MACROH2A1: variants seen among roughly 807,000 people sequenced by gnomAD.
The protein encoded by MACROH2A1 is core histone macro-H2A.1.
In MACROH2A1, 2 loss-of-function variants were observed where a neutral mutation model predicts 31.6. The ratio of observed to expected loss-of-function variants is 0.06; its 90% CI spans 0.03 to 0.20. The LOEUF (loss-of-function observed/expected upper bound fraction) is 0.20, where lower values mean the gene tolerates loss of function less well. Among genes scored for constraint, MACROH2A1 ranks in the 10% least tolerant of loss-of-function variants. The pLI is 1.00. For synonymous variants in MACROH2A1, 169 were observed against 189.6 expected (o/e 0.89, Z 0.89); for missense variants, 230 against 474.0 (o/e 0.49, Z 4.78).
At chr5:135,358,541 G>A in intron 5 of MACROH2A1, 1 of 985,176 alleles carries the variant, frequency 1.0e-6, no homozygotes, top group Non-Finnish European at 1.2e-6. Flanking sequence ...GGTCTGTCTG[G>A]GTCTACATTC....
chr5:135,382,634 A>T lies in MACROH2A1; in HGVS notation c.172+6288T>A, dbSNP rs540199025. Reference sequence around the variant, plus strand: ...CAAGGGTACAATCTATACCATAAATAATTACTAAGCTGGTCTTTATGAAAA... The same window carrying T: ...CAAGGGTACAATCTATACCATAAATTATTACTAAGCTGGTCTTTATGAAAA... On this transcript the variant is annotated intron_variant, in intron 2 of 8. Coordinates refer to ENST00000511689, the MANE Select transcript of MACROH2A1 (RefSeq NM_138610.3). Among the ~76,000 whole-genome samples the T allele has an allele frequency of 1.2e-4, 19 of 152,330 alleles. 1 individual carries two copies. The South Asian group carries it at 3.9e-3, about 32-fold the overall frequency.
chr5:135,357,611 G>T, intron 5 of MACROH2A1: 1 of 288,118 alleles, frequency 3.5e-6, no homozygotes, highest in Non-Finnish European at 5.2e-6. Flanking sequence ...TTAAGTCAGT[G>T]TTACCACTGA....
chr5:135,340,002 C>G (rs1759519559), intron 8 of MACROH2A1, among the ~76,000 whole-genome samples: 1 of 152,184 alleles, frequency 6.6e-6, no homozygotes, highest in African/African-American at 2.4e-5. Flanking sequence ...GGGAAAGAGG[C>G]TGATGGCTAT....
chr5:135,358,499 A>T (rs1035217539), intron 5 of MACROH2A1: 2 of 985,120 alleles, frequency 2.0e-6, no homozygotes, highest in Non-Finnish European at 1.2e-6. Context: ...TTCACCACTA[A>T]AAAGGGGGTG....
At chr5:135,378,514 T>C (rs995839974) in intron 2 of MACROH2A1, among the ~76,000 whole-genome samples, 1 of 152,238 alleles carries the variant, frequency 6.6e-6, no homozygotes, top group African/African-American at 2.4e-5. Flanking sequence ...CCCCTCAGGC[T>C]GTGTCTTCAT....
chr5:135,376,293 C>T (rs1764853780), intron 2 of MACROH2A1, among the ~76,000 whole-genome samples: 1 of 152,196 alleles, frequency 6.6e-6, no homozygotes, highest in Non-Finnish European at 1.5e-5. Context: ...TTGGTCCAGT[C>T]TTCTGCCTTC....
intron 1 of MACROH2A1, among the ~76,000 whole-genome samples, chr5:135,392,470 C>T (rs758895309): frequency 1.1e-4 from 17 of 152,200 alleles, no homozygotes; most frequent in Non-Finnish European, 2.2e-4. Flanking sequence ...GTTCTTCCTG[C>T]ACTTCTAACT....
chr5:135,357,597 A>G, intron 5 of MACROH2A1: 1 of 226,126 alleles, frequency 4.4e-6, no homozygotes, highest in Non-Finnish European at 7.4e-6. Flanking sequence ...TTTACCATTT[A>G]CCATTAAGTC....
At chr5:135,360,439 C>T in intron 5 of MACROH2A1, 58 bp downstream of exon 5, 1 of 1,108,338 alleles carries the variant, frequency 9.0e-7, no homozygotes. Flanking sequence ...GTGGAAGTAG[C>T]CTGTGCCCAC....
At chr5:135,385,762 C>T (rs957278130) in intron 2 of MACROH2A1, among the ~76,000 whole-genome samples, 1 of 152,198 alleles carries the variant, frequency 6.6e-6, no homozygotes, top group African/African-American at 2.4e-5. Context: ...CTGGCCAGCT[C>T]ATCTCCAAGC....
chr5:135,336,709 T>C (rs1018999091), intron 8 of MACROH2A1, among the ~76,000 whole-genome samples: 12 of 151,958 alleles, frequency 7.9e-5, no homozygotes, highest in Admixed American at 1.3e-4. Flanking sequence ...CTGCTGAGAG[T>C]GGGCAGGTCA....
chr5:135,387,934 G>C (rs536866195), intron 2 of MACROH2A1, among the ~76,000 whole-genome samples: 7 of 151,612 alleles, frequency 4.6e-5, no homozygotes, highest in Admixed American at 3.9e-4. Context: ...ATGGCAAAAG[G>C]ATATCAGAAC....
At position 135,346,069 on chromosome 5, in the gene MACROH2A1, C is replaced by T. The variant is rs1388496538; in HGVS notation, c.689-12G>A. 3.8e-6 allele frequency: 6 copies of T among 1,592,708 alleles called. No individual in the cohort carries two copies. Among genetic ancestry groups the T allele is most frequent in the East Asian group, 2.2e-5 (1 of 44,808 alleles). On this transcript the variant is annotated splice_polypyrimidine_tract_variant and intron_variant, in intron 6 of 8. Transcript: ENST00000511689. ...CTCCAGCGTGTTTCCTAGACAAGGA[C>T]AGGGTGGGGTCAGGTTGCCATTCTG...
intron 2 of MACROH2A1, among the ~76,000 whole-genome samples, chr5:135,381,042 A>G (rs1245934461): frequency 6.6e-6 from 1 of 152,256 alleles, no homozygotes; most frequent in Non-Finnish European, 1.5e-5. Context: ...AAACAGATAA[A>G]GCAGAAAATA....
chr5:135,369,893 A>G lies in MACROH2A1; in HGVS notation c.279+143T>C. The G allele has an allele frequency of 1.6e-6, 1 of 634,294 alleles. No individual in the cohort carries two copies. The highest frequency in any genetic ancestry group is 2.8e-6 in the Non-Finnish European group (1 of 360,702). 39.3% of individuals were successfully genotyped at this position (634,294 alleles called of 1,614,324 possible). On this transcript the variant is annotated intron_variant, in intron 3 of 8. Coordinates refer to ENST00000511689, the MANE Select transcript of MACROH2A1 (RefSeq NM_138610.3). This position sits in a 1 kb window ranked among gnomAD's most constrained non-coding sequence, Gnocchi z 4.3. ...AATAAGGCCTTGGGGAAAAACTGCC[A>G]TGGGAGGCAGAGAAGCTGCTAATTA...
At chr5:135,338,031 G>T in intron 8 of MACROH2A1, 1 of 1,147,606 alleles carries the variant, frequency 8.7e-7, no homozygotes, top group East Asian at 7.6e-5. Context: ...CTTTCCTAAC[G>T]TTTTCTGGTG....
At chr5:135,389,193 C>T in intron 1 of MACROH2A1, 67 bp from the exon 2 acceptor site, 2 of 1,256,262 alleles carry the variant, frequency 1.6e-6, no homozygotes, top group Non-Finnish European at 2.2e-6. Context: ...TCCAGGTACA[C>T]TCTAGTCCCC....
At chr5:135,399,750 C>T (rs145768137), upstream of MACROH2A1, 191 of 152,396 alleles carry the variant, frequency 1.3e-3, no homozygotes, top group Non-Finnish European at 2.0e-3. The surrounding 1 kb of genome is among the most constrained non-coding windows in gnomAD (Gnocchi z 4.5). Context: ...ACTGCGCACC[C>T]GGTTCCCCTG....
At chr5:135,394,679 T>A (rs1767719980) in intron 1 of MACROH2A1, among the ~76,000 whole-genome samples, 1 of 152,218 alleles carries the variant, frequency 6.6e-6, no homozygotes, top group Non-Finnish European at 1.5e-5. Flanking sequence ...TAGATCCCAT[T>A]TACATATAAG....
Sources: gnomAD v4.1 joint callset for allele counts (sites outside exome capture counted in the v4.1 genomes callset) on GRCh38, gnomAD v4.1.1 for gene constraint, Gnocchi (gnomAD v3.1) non-coding constraint, MANE v1.5 for transcripts, NCBI Gene and HGNC (gene_info 2026-07-23, HGNC 2026-07-21) for gene names.